Variants in DRC1 observed in about 807,000 individuals in gnomAD.
The protein encoded by DRC1 is dynein regulatory complex protein 1.
DRC1 carries 74 observed loss-of-function variants against 98.7 expected under a neutral mutation model. That is an observed-to-expected ratio of 0.75 (90% confidence interval 0.62 to 0.91). DRC1 has a LOEUF of 0.91. Among genes scored for constraint, DRC1 ranks in the 40% least tolerant of loss-of-function variants. The pLI, the probability that DRC1 is intolerant of heterozygous loss-of-function variation, is 0.00. For synonymous variants in DRC1, 336 were observed against 334.1 expected (o/e 1.01, Z -0.06); for missense variants, 875 against 886.0 (o/e 0.99, Z 0.16).
Position 26,432,020 on chromosome 2 carries a change from T to C in DRC1, c.888+14T>C, listed in dbSNP as rs1281520007. The C allele has an allele frequency of 6.2e-7, 1 of 1,612,560 alleles. No homozygotes were observed. The highest frequency in any genetic ancestry group is 1.7e-5 in the Admixed American group (1 of 59,714). ...CAGGATGTGCAGGTGCAACAGCTGG[T>C]CCTCACTAGGGTGCCTGGGTGGCGG... On this transcript the variant is annotated intron_variant, in intron 7 of 16. Transcript: ENST00000288710.
chr2:26,404,914 A>G (rs1388207635), intron 1 of DRC1, among the ~76,000 whole-genome samples: 2 of 152,120 alleles, frequency 1.3e-5, no homozygotes. Flanking sequence ...GTCAATGGTA[A>G]CTCAGACCCT....
At chr2:26,455,284 A>G (rs1386654954) in intron 16 of DRC1, 51 bp downstream of exon 16, 3 of 1,562,766 alleles carry the variant, frequency 1.9e-6, no homozygotes, top group South Asian at 2.3e-5. Flanking sequence ...CGGGTGGGGC[A>G]GGGGCACTGG....
chr2:26,429,298 C>T lies in DRC1; in HGVS notation c.541-330C>T, dbSNP rs191551503. Among the ~76,000 whole-genome samples the T allele has an allele frequency of 6.2e-3, 946 of 152,068 alleles. 4 individuals carry two copies. Among genetic ancestry groups the T allele is most frequent in the Admixed American group, 0.011 (170 of 15,270 alleles). The stretch of plus-strand genomic sequence containing the variant: ...TGGTGCAATCATGGCTCACTGTAGC[C>T]TTGACCTTCTGGGCTCAAGCGATCC... On this transcript the variant is annotated intron_variant, in intron 4 of 16. Transcript: ENST00000288710.
Position 26,401,942 on chromosome 2 carries a change from T to C in DRC1, c.-48T>C. The stretch of plus-strand genomic sequence containing the variant: ...TTTGTTCCTAGCAACCAGCCTGAGG[T>C]CTGGAGGTGGTGCGGAGGGAGCCGC... On this transcript the variant is annotated 5_prime_UTR_variant, in exon 1 of 17. Transcript: ENST00000288710. The C allele has an allele frequency of 1.3e-6, 2 of 1,554,066 alleles. No homozygotes were observed. The highest frequency in any genetic ancestry group is 1.7e-6 in the Non-Finnish European group (2 of 1,148,744).
chr2:26,408,567 GT>G lies in DRC1; in HGVS notation c.156-5774del, dbSNP rs1366490750. ...AGGGGTGGATAACCTGAGGTCTGGA[GT>G]TTGAGACCAGCCTGGCCAACATGGT... is the stretch of plus-strand genomic sequence containing the variant. On this transcript the variant is annotated intron_variant, in intron 1 of 16. Coordinates refer to ENST00000288710, the MANE Select transcript of DRC1 (RefSeq NM_145038.5). Among the ~76,000 whole-genome samples, 3 of 152,184 alleles carry G rather than the reference GT, an allele frequency of 2.0e-5. No homozygotes were observed. The East Asian group carries it at 5.8e-4, about 29-fold the overall frequency.
chr2:26,435,952 A>G (rs1213049985), intron 7 of DRC1, among the ~76,000 whole-genome samples: 1 of 152,142 alleles, frequency 6.6e-6, no homozygotes, highest in African/African-American at 2.4e-5. Flanking sequence ...AGAACCATTT[A>G]TATTCCTTTG....
At chr2:26,422,299 A>G (rs965698812) in intron 3 of DRC1, among the ~76,000 whole-genome samples, 9 of 152,322 alleles carry the variant, frequency 5.9e-5, no homozygotes, top group African/African-American at 9.6e-5. Flanking sequence ...CTGGGTTTCA[A>G]TTGGTGAGAA....
intron 3 of DRC1, among the ~76,000 whole-genome samples, chr2:26,422,386 T>A (rs1239190511): frequency 6.6e-6 from 1 of 152,122 alleles, no homozygotes; most frequent in Non-Finnish European, 1.5e-5. Context: ...GCTCCATGCA[T>A]AGAAGGATGG....
intron 1 of DRC1, among the ~76,000 whole-genome samples, chr2:26,414,115 C>CATTATTATTATTATT (rs3067393): frequency 0.02 from 2,898 of 144,462 alleles, 38 homozygotes; most frequent in Non-Finnish European, 0.028. Flanking sequence ...ACAATGGAAC[C>CATTATTATTATTATT]ATTATTATTA....
At chr2:26,434,815 A>T (rs966999822) in intron 7 of DRC1, among the ~76,000 whole-genome samples, 2 of 150,788 alleles carry the variant, frequency 1.3e-5, no homozygotes, top group African/African-American at 2.4e-5. Flanking sequence ...GGTGTGAACC[A>T]GGGAGGCGGA....
Position 26,456,496 on chromosome 2 carries a change from G to A in DRC1, c.2202G>A (p.Val734=), listed in dbSNP as rs768929345. 9 of 1,614,168 alleles carry A rather than the reference G, an allele frequency of 5.6e-6. No individual in the cohort carries two copies. Among genetic ancestry groups the A allele is most frequent in the Non-Finnish European group, 6.8e-6 (8 of 1,180,020 alleles). ...AACTGCAAGTTCCTCCCACTCAGGT[G>A]TTGCGGGTACCCACAAAATGAGCTG... is the stretch of plus-strand genomic sequence containing the variant. ...NSELQVPPTQ[V]LRVPTK The change falls in exon 17 of 17, where the codon GTG becomes GTA. Residue 734 remains valine (V), a synonymous_variant. Coordinates refer to ENST00000288710, the MANE Select transcript of DRC1 (RefSeq NM_145038.5).
intron 3 of DRC1, among the ~76,000 whole-genome samples, chr2:26,422,954 C>A (rs1663184235): frequency 6.6e-6 from 1 of 151,426 alleles, no homozygotes; most frequent in Non-Finnish European, 1.5e-5. Context: ...ACCACTTGAC[C>A]ATTTTGTCTC....
At position 26,405,653 on chromosome 2, in the gene DRC1, C is replaced by CTTT. The variant is rs10601492; in HGVS notation, c.155+3531_155+3533dup. On this transcript the variant is annotated intron_variant, in intron 1 of 16. Transcript: ENST00000288710. ...TGTTTTTTTTTTTTAAAGGCTATAT[C>CTTT]TTTTTTTTTTTTTTTTTTTTTTTTG... Among the ~76,000 whole-genome samples the CTTT allele has an allele frequency of 2.4e-3, 129 of 53,578 alleles. 3 individuals carry two copies. The highest frequency in any genetic ancestry group is 7.8e-3 in the African/African-American group (113 of 14,528). 35.1% of individuals were successfully genotyped at this position (53,578 alleles called of 152,430 possible). A position where few individuals can be genotyped will look rare whatever the true frequency, so the allele number is the denominator to read the frequency against.
chr2:26,437,160 C>G (rs1423270400), intron 7 of DRC1, among the ~76,000 whole-genome samples: 1 of 152,166 alleles, frequency 6.6e-6, no homozygotes, highest in Non-Finnish European at 1.5e-5. Flanking sequence ...AGGCATAAAT[C>G]ATTGCAACTT....
At chr2:26,411,241 T>C (rs867820683) in intron 1 of DRC1, among the ~76,000 whole-genome samples, 4 of 152,242 alleles carry the variant, frequency 2.6e-5, no homozygotes, top group Non-Finnish European at 5.9e-5. Flanking sequence ...CAGCCACATA[T>C]GTCATTTCAA....
At position 26,444,763 on chromosome 2, in the gene DRC1, T is replaced by G. The variant is rs368143695; in HGVS notation, c.1211T>G (p.Met404Arg). ...GAGAAGTTTTGGGAGATTTGGCTGA[T>G]GAATGAAGAGGAGGCGAAGGACCTA... ...DDEKFWEIWL[M>R]NEEEAKDLIA... The change falls in exon 10 of 17, where the codon ATG becomes AGG. Residue 404 changes from methionine to arginine, a missense_variant. By Grantham distance (91) the Met-to-Arg change is moderately conservative. Coordinates refer to ENST00000288710, the MANE Select transcript of DRC1 (RefSeq NM_145038.5). 65 of 1,614,054 alleles carry G rather than the reference T, an allele frequency of 4.0e-5. No individual in the cohort carries two copies. Among genetic ancestry groups the G allele is most frequent in the Non-Finnish European group, 4.3e-5 (51 of 1,180,036 alleles).
chr2:26,440,246 CA>C, intron 7 of DRC1, 131 bp from the exon 8 acceptor site: 1 of 1,172,766 alleles, frequency 8.5e-7, no homozygotes, highest in Non-Finnish European at 1.1e-6. Flanking sequence ...CTATATAAAG[CA>C]TGTTCCCCAA....
In DRC1 at chr2:26,421,292, T is replaced by G; in HGVS notation, c.248T>G (p.Leu83Trp). The G allele has an allele frequency of 6.2e-7, 1 of 1,612,340 alleles. No individual in the cohort carries two copies. The highest frequency in any genetic ancestry group is 1.7e-5 in the Admixed American group (1 of 59,688). ...TTCTTATATCTCTCTTTTTAGAAAT[T>G]GGCTAAACTTCTGCTCTGTGGCACC... ...YKQKEESRLK[L>W]AKLLLCGTEL... Residue 83 changes from leucine to tryptophan, a missense_variant, in exon 3 of 17, where the codon TTG becomes TGG. Coordinates refer to ENST00000288710, the MANE Select transcript of DRC1 (RefSeq NM_145038.5).
At position 26,402,150 on chromosome 2, in the gene DRC1, C is replaced by T. The variant is rs987808960; in HGVS notation, c.155+6C>T. The T allele has an allele frequency of 7.5e-6, 12 of 1,590,542 alleles. No individual in the cohort carries two copies. The African/African-American group carries it at 1.5e-4, about 20-fold the overall frequency. On this transcript the variant is annotated splice_donor_region_variant and intron_variant, in intron 1 of 16. Transcript: ENST00000288710. ...CGCTTAGAAGCCCGGAGGCGGTGAG[C>T]GCGGGGGCGGGCGGGGCGGGATCCG... is the stretch of plus-strand genomic sequence containing the variant.
Sources: gnomAD v4.1 joint callset for allele counts (sites outside exome capture counted in the v4.1 genomes callset) on GRCh38, gnomAD v4.1.1 for gene constraint, MANE v1.5 for transcripts, NCBI Gene and HGNC (gene_info 2026-07-23, HGNC 2026-07-21) for gene names.